Variants in SLC13A4 observed in about 807,000 individuals in gnomAD.
The protein encoded by SLC13A4 is Na(+)/sulfate cotransporter SUT-1.
Under a neutral mutation model 72.7 loss-of-function variants are expected in SLC13A4, and 28 were observed. That is an observed-to-expected ratio of 0.39 (90% CI 0.29 to 0.53). The LOEUF is 0.53. Among genes scored for constraint, SLC13A4 ranks in the 20% least tolerant of loss-of-function variants. The pLI is 0.78. For synonymous variants in SLC13A4, 312 were observed against 325.5 expected (o/e 0.96, Z 0.45); for missense variants, 653 against 788.0 (o/e 0.83, Z 2.05).
chr7:135,718,766 A>C (rs1796482957), intron 2 of SLC13A4, among the ~76,000 whole-genome samples: 1 of 152,172 alleles, frequency 6.6e-6, no homozygotes, highest in Non-Finnish European at 1.5e-5. Context: ...TGGGTTTGGG[A>C]AATGACAAGG....
chr7:135,713,731 T>C (rs1012728110), intron 2 of SLC13A4, among the ~76,000 whole-genome samples: 1 of 152,102 alleles, frequency 6.6e-6, no homozygotes, highest in East Asian at 1.9e-4. Context: ...GCACCCACCA[T>C]TGTGTCCGGC....
Position 135,694,193 on chromosome 7 carries a change from C to A in SLC13A4, c.1065G>T (p.Arg355Ser), listed in dbSNP as rs371483429. ...CSLSKKKKTK[R>S]EQLSEKRIQE... ...GGATCCTCTTCTCTGACAACTGTTC[C>A]CTTTTGGTCTTCTTCTTCTTGCTCA... Residue 355 changes from arginine to serine, a missense_variant, in exon 10 of 16, where the codon AGG becomes AGT. By Grantham distance (110) the Arg-to-Ser change is moderately radical (BLOSUM62 -1). Coordinates refer to ENST00000682651, the MANE Select transcript of SLC13A4 (RefSeq NM_001318192.2). 1 of 1,613,386 alleles carries A rather than the reference C, an allele frequency of 6.2e-7. No homozygotes were observed. The highest frequency in any genetic ancestry group is 8.5e-7 in the Non-Finnish European group (1 of 1,179,392).
intron 5 of SLC13A4, chr7:135,703,153 G>T (rs189203046): frequency 9.0e-5 from 45 of 499,702 alleles, no homozygotes; most frequent in African/African-American, 7.1e-4. Flanking sequence ...ATGTGGAGTG[G>T]ATATTAGATA....
intron 9 of SLC13A4, 50 bp downstream of exon 9, chr7:135,695,318 G>T (rs1273181103): frequency 1.2e-6 from 2 of 1,609,748 alleles, no homozygotes; most frequent in East Asian, 2.2e-5. Context: ...CATGGCCTTT[G>T]GATCAACAGG....
intron 8 of SLC13A4, among the ~76,000 whole-genome samples, chr7:135,698,180 C>A (rs960930237): frequency 6.6e-6 from 1 of 151,628 alleles, no homozygotes; most frequent in Non-Finnish European, 1.5e-5. Context: ...TTACAGGCAC[C>A]TGCTACCATG....
intron 2 of SLC13A4, among the ~76,000 whole-genome samples, chr7:135,718,343 G>A (rs1450501908): frequency 6.6e-6 from 1 of 152,146 alleles, no homozygotes; most frequent in African/African-American, 2.4e-5. Flanking sequence ...CAGTCCCAGA[G>A]TCACACTGAT....
chr7:135,699,666 C>G, intron 7 of SLC13A4, 118 bp from the exon 8 acceptor site: 1 of 471,338 alleles, frequency 2.1e-6, no homozygotes, highest in Non-Finnish European at 2.9e-6. Context: ...GTCAGAAAGA[C>G]AAATCACAGT....
At position 135,684,309 on chromosome 7, in the gene SLC13A4, TC is replaced by T. The variant is rs1795573392; in HGVS notation, c.1609-49del. 1.9e-6 allele frequency: 3 copies of T among 1,554,060 alleles called. No homozygotes were observed. In the East Asian group the frequency reaches 6.9e-5, roughly 36 times the overall value. On this transcript the variant is annotated intron_variant, in intron 14 of 15. Coordinates refer to ENST00000682651, the MANE Select transcript of SLC13A4 (RefSeq NM_001318192.2). ...ACATTCACGAGATTAGGCTTGCATT[TC>T]CTGTGCTTAATGTCAGGAGCATGCT...
intron 2 of SLC13A4, among the ~76,000 whole-genome samples, chr7:135,715,479 G>C (rs545243993): frequency 1.4e-5 from 2 of 138,536 alleles, no homozygotes; most frequent in South Asian, 2.3e-4. Context: ...GTGTGTGTAT[G>C]TGTATGTATG....
rs539009182 is a variant in SLC13A4, at chr7:135,691,074, G to A, written c.1446+127C>T. ...AGCTACTTGGGAGGCTGAGGCAAGAGAATCGCTTGAACCCAGGAGGCGGAG... is the reference window on the plus strand; with the variant it reads ...AGCTACTTGGGAGGCTGAGGCAAGAAAATCGCTTGAACCCAGGAGGCGGAG... On this transcript the variant is annotated intron_variant, in intron 13 of 15. Transcript: ENST00000682651. 4 of 762,696 alleles carry A rather than the reference G, an allele frequency of 5.2e-6. No individual in the cohort carries two copies. The East Asian group carries it at 1.4e-4, about 27-fold the overall frequency. 47.2% of individuals were successfully genotyped at this position (762,696 alleles called of 1,614,324 possible).
intron 1 of SLC13A4, among the ~76,000 whole-genome samples, chr7:135,724,795 C>T (rs1796620568): frequency 6.6e-6 from 1 of 152,108 alleles, no homozygotes; most frequent in Non-Finnish European, 1.5e-5. Flanking sequence ...ATACAGTTTC[C>T]ACTTATTTCA....
chr7:135,711,286 G>T (rs1000830955), intron 2 of SLC13A4, among the ~76,000 whole-genome samples: 1 of 152,104 alleles, frequency 6.6e-6, no homozygotes, highest in Admixed American at 6.6e-5. Flanking sequence ...TTTCCCCAGG[G>T]ACTGACTGAC....
Position 135,727,387 on chromosome 7 carries a change from T to TGGAGGTGG in SLC13A4, c.99+10_99+11insCCACCTCC. 6.5e-7 allele frequency: 1 copy of TGGAGGTGG among 1,548,578 alleles called. No homozygotes were observed. Among genetic ancestry groups the TGGAGGTGG allele is most frequent in the Non-Finnish European group, 8.7e-7 (1 of 1,146,670 alleles). On this transcript the variant is annotated intron_variant, in intron 1 of 15. Coordinates refer to ENST00000682651, the MANE Select transcript of SLC13A4 (RefSeq NM_001318192.2). ...CTCCCAGACCCCCGGTGGGCGCAGG[T>TGGAGGTGG]CGGTACTCACGCTGCTGGGGTGGAG...
intron 2 of SLC13A4, among the ~76,000 whole-genome samples, chr7:135,717,058 A>ACCGTACATTAGCC (rs1796448440): frequency 6.6e-6 from 1 of 152,166 alleles, no homozygotes; most frequent in South Asian, 2.1e-4. Context: ...GTACATTAGC[A>ACCGTACATTAGCC]CCGTACATTA....
rs538622529 is a variant in SLC13A4, at chr7:135,694,206, T to A, written c.1052A>T (p.Lys351Met). ...FKETCSLSKK[K>M]KTKREQLSEK... Reference sequence around the variant, plus strand: ...TGACAACTGTTCCCTTTTGGTCTTCTTCTTCTTGCTCAGAGAGCAGGTCTC... The same window carrying A: ...TGACAACTGTTCCCTTTTGGTCTTCATCTTCTTGCTCAGAGAGCAGGTCTC... The change falls in exon 10 of 16, where the codon AAG (lysine) becomes ATG (methionine). Residue 351 changes from lysine (K) to methionine (M), a missense_variant. Transcript: ENST00000682651. The A allele has an allele frequency of 3.2e-5, 52 of 1,613,006 alleles. No homozygotes were observed. In the Middle Eastern group the frequency reaches 8.2e-4, roughly 26 times the overall value.
chr7:135,705,797 G>C (rs1796147071), intron 4 of SLC13A4, 147 bp from the exon 5 acceptor site: 2 of 704,838 alleles, frequency 2.8e-6, no homozygotes, highest in Non-Finnish European at 5.0e-6. Context: ...AAATAGAATG[G>C]GGCTCATGGA....
At position 135,681,465 on chromosome 7, in the gene SLC13A4, G is replaced by T; in HGVS notation, c.*98C>A. ...TGCCCTCCGGCGTGGGTCTGGGGTTGTGTGCTCCTGGTGGTCCTAGTGGTT... is the reference window on the plus strand; with the variant it reads ...TGCCCTCCGGCGTGGGTCTGGGGTTTTGTGCTCCTGGTGGTCCTAGTGGTT... On this transcript the variant is annotated 3_prime_UTR_variant, in exon 16 of 16. Transcript: ENST00000682651. The T allele has an allele frequency of 1.3e-6, 2 of 1,491,420 alleles. No homozygotes were observed. The highest frequency in any genetic ancestry group is 1.8e-6 in the Non-Finnish European group (2 of 1,098,186). The allele number at this position is 1,491,420 out of a possible 1,614,324, so 92.4% of individuals were successfully genotyped here.
Position 135,699,623 on chromosome 7 carries a change from C to A in SLC13A4, c.715-75G>T. 3 of 1,353,964 alleles carry A rather than the reference C, an allele frequency of 2.2e-6. No individual in the cohort carries two copies. The South Asian group carries it at 4.6e-5, about 21-fold the overall frequency. The allele number at this position is 1,353,964 out of a possible 1,614,324, so 83.9% of individuals were successfully genotyped here. On this transcript the variant is annotated intron_variant, in intron 7 of 15. Transcript: ENST00000682651. ...GCCGAAGCATGAGAGGCAGGAGGCACCATGGTACAGCGGAAAGGGTTTGAG... is the reference window on the plus strand; with the variant it reads ...GCCGAAGCATGAGAGGCAGGAGGCAACATGGTACAGCGGAAAGGGTTTGAG...
intron 8 of SLC13A4, among the ~76,000 whole-genome samples, chr7:135,696,620 T>A (rs1340280818): frequency 1.3e-5 from 2 of 152,212 alleles, no homozygotes; most frequent in Non-Finnish European, 2.9e-5. Context: ...CCCAAAATGC[T>A]GGGATTACGG....
Sources: gnomAD v4.1 joint callset for allele counts (sites outside exome capture counted in the v4.1 genomes callset) on GRCh38, gnomAD v4.1.1 for gene constraint, MANE v1.5 for transcripts, NCBI Gene and HGNC (gene_info 2026-07-23, HGNC 2026-07-21) for gene names.